Variants in ACOT12 observed in about 807,000 individuals in gnomAD.
ACOT12 encodes acyl-CoA thioesterase 12.
In ACOT12, 51 loss-of-function variants were observed where a neutral mutation model predicts 67.7. The observed-to-expected ratio is 0.75, with a 90% CI of 0.60 to 0.95. The LOEUF is 0.95. Among genes scored for constraint, ACOT12 ranks in the 40% least tolerant of loss-of-function variants. The pLI is 0.00. For missense variants in ACOT12, 734 were observed against 708.1 expected (o/e 1.04, Z -0.41); for synonymous variants, 251 against 244.6 (o/e 1.03, Z -0.24).
chr5:81,310,859 T>C, the ACOT12 span, among the ~76,000 whole-genome samples: 10 of 152,220 alleles, frequency 6.6e-5, no homozygotes, highest in African/African-American at 2.4e-4. Context: ...GCTTACATCT[T>C]TTGTTTACAG....
At chr5:81,371,702 T>G in intron 3 of ACOT12, 48 bp downstream of exon 3, 1 of 1,561,780 alleles carries the variant, frequency 6.4e-7, no homozygotes, top group Non-Finnish European at 8.8e-7. Context: ...TTGTAAACAA[T>G]GAAGAAGTGA....
chr5:81,354,997 T>A (rs541734022), intron 5 of ACOT12, among the ~76,000 whole-genome samples: 1 of 152,288 alleles, frequency 6.6e-6, no homozygotes, highest in Admixed American at 6.5e-5. Context: ...GCCTCATCAA[T>A]CATCTTGATC....
intron 5 of ACOT12, among the ~76,000 whole-genome samples, chr5:81,351,163 A>T (rs1759541302): frequency 6.6e-6 from 1 of 152,226 alleles, no homozygotes; most frequent in Non-Finnish European, 1.5e-5. Flanking sequence ...TTCTAAAGTG[A>T]TCTTTGAAAG....
intron 5 of ACOT12, among the ~76,000 whole-genome samples, chr5:81,358,943 G>A (rs536983291): frequency 6.6e-5 from 10 of 152,110 alleles, no homozygotes; most frequent in South Asian, 2.1e-4. Context: ...TTTTCAACCC[G>A]TAAGTCTTCT....
At chr5:81,341,199 T>A (rs1759181853) in intron 11 of ACOT12, among the ~76,000 whole-genome samples, 1 of 152,154 alleles carries the variant, frequency 6.6e-6, no homozygotes, top group Non-Finnish European at 1.5e-5. Flanking sequence ...GATAAACAAA[T>A]GCATTAGTTA....
chr5:81,345,836 AT>A (rs1333708348), intron 7 of ACOT12, 48 bp downstream of exon 7: 2 of 1,608,480 alleles, frequency 1.2e-6, no homozygotes, highest in African/African-American at 2.7e-5. Flanking sequence ...TAAAAATTAC[AT>A]TTGTGCAAGT....
At chr5:81,323,801 T>A in the ACOT12 span, among the ~76,000 whole-genome samples, 1 of 150,728 alleles carries the variant, frequency 6.6e-6, no homozygotes, top group African/African-American at 2.4e-5. Flanking sequence ...GAAAGATAGG[T>A]TTTATATATA....
chr5:81,380,742 T>C (rs948788363), intron 2 of ACOT12, among the ~76,000 whole-genome samples: 1 of 152,152 alleles, frequency 6.6e-6, no homozygotes, highest in Non-Finnish European at 1.5e-5. Flanking sequence ...GTCTCCACAA[T>C]GGAGTACTAT....
chr5:81,360,125 A>G (rs1343592831), intron 4 of ACOT12, 87 bp from the exon 5 acceptor site: 1 of 1,349,712 alleles, frequency 7.4e-7, no homozygotes, highest in Non-Finnish European at 1.0e-6. Context: ...GATATGCTAC[A>G]TGGTTTTCTA....
the ACOT12 span, chr5:81,308,786 A>G: frequency 6.5e-7 from 1 of 1,529,768 alleles, no homozygotes; most frequent in Non-Finnish European, 8.8e-7. Context: ...TTTTTTTAAC[A>G]CAATTTGTTA....
rs114440265 is a variant in ACOT12, at chr5:81,365,231, A to G, written c.259-1342T>C. 9.5e-3 allele frequency among the ~76,000 whole-genome samples: 1,446 copies of G among 152,338 alleles called. 27 individuals are homozygous for G. Among genetic ancestry groups the G allele is most frequent in the African/African-American group, 0.032 (1,327 of 41,580 alleles). On this transcript the variant is annotated intron_variant, in intron 3 of 14. Coordinates refer to ENST00000307624, the MANE Select transcript of ACOT12 (RefSeq NM_130767.3). The stretch of plus-strand genomic sequence containing the variant: ...CTCAGGCACAGCTCAGCACTATGTT[A>G]TCAACGATAAAGAATATCCGTATCT...
At chr5:81,340,003 G>A (rs1759138573) in intron 11 of ACOT12, among the ~76,000 whole-genome samples, 1 of 151,728 alleles carries the variant, frequency 6.6e-6, no homozygotes, top group East Asian at 1.9e-4. Context: ...GGGACTACAG[G>A]TGGATGCTGT....
At position 81,330,524 on chromosome 5, in the gene ACOT12, A is replaced by T. The variant is rs1298041363; in HGVS notation, c.1538T>A (p.Met513Lys). The T allele has an allele frequency of 6.2e-7, 1 of 1,614,054 alleles. No individual in the cohort carries two copies. The highest frequency in any genetic ancestry group is 1.7e-5 in the Admixed American group (1 of 59,984). The change falls in exon 15 of 15, where the codon ATG becomes AAG. Residue 513 changes from methionine to lysine, a missense_variant. Met to Lys is a moderately conservative substitution (Grantham distance 95). Transcript: ENST00000307624. ...AAAGTAAGGAAGGATGCTAGCAGAC[A>T]TATGGTTAAAGTAAGATACCTGTTT... ...NSCIVSYFNH[M>K]SASILPYFAG...
At chr5:81,346,254 G>A (rs536635434) in intron 6 of ACOT12, among the ~76,000 whole-genome samples, 3 of 152,254 alleles carry the variant, frequency 2.0e-5, no homozygotes, top group South Asian at 2.1e-4. Flanking sequence ...CTCTTGTCTC[G>A]TTTCCTGTGG....
intron 6 of ACOT12, among the ~76,000 whole-genome samples, chr5:81,347,301 G>A (rs1759410793): frequency 1.3e-5 from 2 of 152,116 alleles, no homozygotes; most frequent in Non-Finnish European, 2.9e-5. Flanking sequence ...TGTAGAGTCA[G>A]GGTCTTGCTA....
intron 11 of ACOT12, among the ~76,000 whole-genome samples, chr5:81,340,466 A>G (rs1004533745): frequency 6.6e-6 from 1 of 152,114 alleles, no homozygotes; most frequent in African/African-American, 2.4e-5. Flanking sequence ...GGTTCAAGCA[A>G]TTCTCCTGTC....
rs998263659 is a variant in ACOT12, at chr5:81,343,047, T to G, written c.1045-292A>C. Among the ~76,000 whole-genome samples, 4 of 152,080 alleles carry G rather than the reference T, an allele frequency of 2.6e-5. No individual in the cohort carries two copies. The East Asian group carries it at 5.8e-4, about 22-fold the overall frequency. On this transcript the variant is annotated intron_variant, in intron 10 of 14. Coordinates refer to ENST00000307624, the MANE Select transcript of ACOT12 (RefSeq NM_130767.3). The stretch of plus-strand genomic sequence containing the variant: ...AAATACAAAAATTAGCCGGGTGTTG[T>G]AGTGCAAACTTGTAATCCCAGCTAC...
chr5:81,326,609 T>C (rs1237786248), downstream of ACOT12, among the ~76,000 whole-genome samples: 1 of 152,236 alleles, frequency 6.6e-6, no homozygotes, highest in Non-Finnish European at 1.5e-5. Flanking sequence ...GCCTAGTGAA[T>C]GCTGCAGACA....
chr5:81,325,997 A>T (rs1275872936), downstream of ACOT12, among the ~76,000 whole-genome samples: 1 of 149,720 alleles, frequency 6.7e-6, no homozygotes, highest in African/African-American at 2.5e-5. Context: ...TTTCATAGAG[A>T]TGGAGTCTTG....
Sources: gnomAD v4.1 joint callset for allele counts (sites outside exome capture counted in the v4.1 genomes callset) on GRCh38, gnomAD v4.1.1 for gene constraint, MANE v1.5 for transcripts, NCBI Gene and HGNC (gene_info 2026-07-23, HGNC 2026-07-21) for gene names.